Variants in FAM76B observed in about 807,000 individuals in gnomAD.
FAM76B encodes the protein family with sequence similarity 76 member B.
Under a neutral mutation model 51.8 loss-of-function variants are expected in FAM76B, and 16 were observed. That is an observed-to-expected ratio of 0.31 (90% CI 0.21 to 0.47). The LOEUF (loss-of-function observed/expected upper bound fraction) is 0.47, where lower values mean the gene tolerates loss of function less well. Among genes scored for constraint, FAM76B ranks in the 20% least tolerant of loss-of-function variants. The pLI, the probability that FAM76B is intolerant of heterozygous loss-of-function variation, is 1.00. For missense variants in FAM76B, 342 were observed against 392.6 expected, an observed-to-expected ratio of 0.87 and a Z score of 1.09; for synonymous variants, 166 against 129.5, an observed-to-expected ratio of 1.28 and a Z score of -1.91.
chr11:95,786,319 T>A (rs766819685), intron 3 of FAM76B, 45 bp from the exon 4 acceptor site: 2 of 1,606,534 alleles, frequency 1.2e-6, no homozygotes, highest in East Asian at 4.5e-5. Flanking sequence ...CATTAAATAT[T>A]TGCGGCATAG....
chr11:95,789,149 G>A (rs1860812937), intron 1 of FAM76B: 4 of 1,229,576 alleles, frequency 3.3e-6, no homozygotes, highest in Non-Finnish European at 4.4e-6. Flanking sequence ...CCCAGACGCT[G>A]ACGGGGCCCG....
intron 2 of FAM76B, among the ~76,000 whole-genome samples, chr11:95,788,110 C>A (rs1860703617): frequency 6.6e-6 from 1 of 152,208 alleles, no homozygotes; most frequent in Admixed American, 6.5e-5. Flanking sequence ...ATGTTACGTA[C>A]TACTCCTCTT....
rs1455966350 is a variant in FAM76B at position 95,770,554 on chromosome 11, CAT to C, written c.*1005_*1006del. ...CTCACACAATACTAATATGAAGCCA[CAT>C]GACATAAAAAATAAAATTACTCTTT... On this transcript the variant is annotated 3_prime_UTR_variant, in exon 10 of 10. Transcript: ENST00000358780. 6.6e-6 allele frequency: 1 copy of C among 151,548 alleles called. No homozygotes were observed. Among genetic ancestry groups the C allele is most frequent in the Non-Finnish European group, 1.5e-5 (1 of 67,404 alleles). The allele number at this position is 151,548 out of a possible 1,614,324, so 9.4% of individuals were successfully genotyped here.
At position 95,775,960 on chromosome 11, in the gene FAM76B, T is replaced by A; in HGVS notation, c.892A>T (p.Met298Leu). The A allele has an allele frequency of 6.3e-7, 1 of 1,595,422 alleles. No individual in the cohort carries two copies. The highest frequency in any genetic ancestry group is 8.5e-7 in the Non-Finnish European group (1 of 1,170,688). ...ACAGTTTCTTTGTGGGCTTTTTCCA[T>A]ACTGTTCATTTTTGTTCTCAAATTT... ...ESNLRTKMNS[M>L]EKAHKETVEQ... The change falls in exon 9 of 10, where the codon ATG becomes TTG. Residue 298 changes from methionine to leucine, a missense_variant. By Grantham distance (15) the Met-to-Leu change is conservative (BLOSUM62 2). Around this residue, in one of 3 missense-constraint regions of FAM76B, gnomAD observed 230 missense variants for 257.4 expected, o/e 0.89. Coordinates refer to ENST00000358780, the MANE Select transcript of FAM76B (RefSeq NM_144664.5).
chr11:95,773,014 T>C (rs559019961), intron 9 of FAM76B, among the ~76,000 whole-genome samples: 2 of 151,238 alleles, frequency 1.3e-5, no homozygotes, highest in African/African-American at 4.8e-5. Context: ...ATTTCAAATT[T>C]TGAGTCTGCA....
Position 95,789,656 on chromosome 11 carries a change from T to TC in FAM76B, c.-179dup. On this transcript the variant is annotated 5_prime_UTR_variant, in exon 1 of 10. Transcript: ENST00000358780. Reference sequence around the variant, plus strand: ...CCCGCGGACGACGCCACCGTCTCCCTCCGCCTCCACTTCCGCCCCAGCCCA... The same window carrying TC: ...CCCGCGGACGACGCCACCGTCTCCCTCCCGCCTCCACTTCCGCCCCAGCCCA... 1 of 527,318 alleles carries TC rather than the reference T, an allele frequency of 1.9e-6. No homozygotes were observed. Among genetic ancestry groups the TC allele is most frequent in the Non-Finnish European group, 3.3e-6 (1 of 305,098 alleles). The allele number at this position is 527,318 out of a possible 1,614,324, so 32.7% of individuals were successfully genotyped here.
At chr11:95,778,571 T>C (rs531336178) in intron 8 of FAM76B, among the ~76,000 whole-genome samples, 1 of 151,662 alleles carries the variant, frequency 6.6e-6, no homozygotes, top group South Asian at 2.1e-4. Context: ...TTAAATTACA[T>C]GCTTACTGAA....
rs1044356346 is a variant in FAM76B at position 95,781,972 on chromosome 11, G to A, written c.563+1093C>T. ...TACTGCATGTGTTCCAAAATGAGGT[G>A]GGCATCAGTTGTTTGTAAATTCTGT... On this transcript the variant is annotated intron_variant, in intron 5 of 9. Coordinates refer to ENST00000358780, the MANE Select transcript of FAM76B (RefSeq NM_144664.5). Among the ~76,000 whole-genome samples, 11 of 152,054 alleles carry A rather than the reference G, an allele frequency of 7.2e-5. No homozygotes were observed. In the South Asian group the frequency reaches 1.4e-3, roughly 20 times the overall value.
At position 95,786,011 on chromosome 11, in the gene FAM76B, T is replaced by C. The variant is rs1860558556; in HGVS notation, c.363+108A>G. 8.1e-6 allele frequency: 11 copies of C among 1,355,946 alleles called. 1 individual carries two copies. The highest frequency in any genetic ancestry group is 4.7e-5 in the Admixed American group (2 of 42,488). The allele number at this position is 1,355,946 out of a possible 1,614,324, so 84.0% of individuals were successfully genotyped here. A position where few individuals can be genotyped will look rare whatever the true frequency, so the allele number is the denominator to read the frequency against. On this transcript the variant is annotated intron_variant, in intron 4 of 9. Transcript: ENST00000358780. The stretch of plus-strand genomic sequence containing the variant: ...ACTTTCATCTAACTACTTGCTTTCA[T>C]GGACCTAAAGAATAGATCCAGTCTC...
At position 95,771,727 on chromosome 11, in the gene FAM76B, A is replaced by C. The variant is rs1012878554; in HGVS notation, c.931-77T>G. The C allele has an allele frequency of 1.2e-5, 13 of 1,114,458 alleles. No individual in the cohort carries two copies. In the Admixed American group the frequency reaches 2.4e-4, roughly 21 times the overall value. The allele number at this position is 1,114,458 out of a possible 1,614,324, so 69.0% of individuals were successfully genotyped here. On this transcript the variant is annotated intron_variant, in intron 9 of 9. Transcript: ENST00000358780. ...TCATGCTGAAGAATACTACTTATTT[A>C]ATACTGTTTTCATTTATATAAATGT...
chr11:95,788,165 A>G (rs893715402), intron 2 of FAM76B, among the ~76,000 whole-genome samples: 3 of 152,248 alleles, frequency 2.0e-5, no homozygotes, highest in Admixed American at 1.3e-4. Context: ...GGCAGTTGGT[A>G]ACACTACAGA....
chr11:95,777,124 T>C (rs969091522), intron 8 of FAM76B, among the ~76,000 whole-genome samples: 3 of 151,352 alleles, frequency 2.0e-5, no homozygotes, highest in African/African-American at 7.3e-5. Flanking sequence ...TTATGTCTTA[T>C]TTATTCATCT....
At chr11:95,788,109 A>C (rs554517756) in intron 2 of FAM76B, among the ~76,000 whole-genome samples, 1 of 152,318 alleles carries the variant, frequency 6.6e-6, no homozygotes, top group Admixed American at 6.5e-5. Context: ...AATGTTACGT[A>C]CTACTCCTCT....
At chr11:95,787,933 C>T (rs912518470) in intron 2 of FAM76B, among the ~76,000 whole-genome samples, 2 of 152,186 alleles carry the variant, frequency 1.3e-5, no homozygotes, top group African/African-American at 2.4e-5. Flanking sequence ...GCTCCAAAAT[C>T]TTCACACTTG....
chr11:95,783,126 G>A lies in FAM76B; in HGVS notation c.502C>T (p.His168Tyr), dbSNP rs201724858. 3.1e-6 allele frequency: 5 copies of A among 1,612,750 alleles called. No individual in the cohort carries two copies. The highest frequency in any genetic ancestry group is 4.2e-6 in the Non-Finnish European group (5 of 1,178,910). Residue 168 changes from histidine to tyrosine, a missense_variant, in exon 5 of 10, where the codon CAT becomes TAT. Physicochemically the swap from His to Tyr is moderately conservative, Grantham distance 83. Coordinates refer to ENST00000358780, the MANE Select transcript of FAM76B (RefSeq NM_144664.5). ...SSSLTEKDQH[H>Y]PKHHHHHHHH... The stretch of plus-strand genomic sequence containing the variant: ...TGATGGTGGTGATGATGTTTTGGAT[G>A]ATGCTGGTCTTTCTCAGTAAGAGAT...
In FAM76B at chr11:95,783,112, A is replaced by G. The variant is rs1407826572; in HGVS notation, c.516T>C (p.His172=). Residue 172 remains histidine, a synonymous_variant, in exon 5 of 10, where the codon CAT becomes CAC. Transcript: ENST00000358780. ...TEKDQHHPKH[H]HHHHHHHHRH... Reference sequence around the variant, plus strand: ...GATGGTGATGGTGATGATGGTGGTGATGATGTTTTGGATGATGCTGGTCTT... The same window carrying G: ...GATGGTGATGGTGATGATGGTGGTGGTGATGTTTTGGATGATGCTGGTCTT... The G allele has an allele frequency of 1.2e-5, 19 of 1,613,180 alleles. No individual in the cohort carries two copies. The South Asian group carries it at 1.2e-4, about 10-fold the overall frequency.
chr11:95,774,758 T>C (rs1002450734), intron 9 of FAM76B, among the ~76,000 whole-genome samples: 1 of 151,378 alleles, frequency 6.6e-6, no homozygotes, highest in African/African-American at 2.4e-5. Context: ...AGAGGGCTGA[T>C]GGGCATTTCC....
intron 9 of FAM76B, among the ~76,000 whole-genome samples, chr11:95,772,175 C>T (rs1452979570): frequency 6.6e-6 from 1 of 150,992 alleles, no homozygotes; most frequent in African/African-American, 2.4e-5. Flanking sequence ...TTGCCAAATG[C>T]ACCCAATGAT....
At chr11:95,789,221 A>G in intron 1 of FAM76B, 171 bp downstream of exon 1, 1 of 961,546 alleles carries the variant, frequency 1.0e-6, no homozygotes. Flanking sequence ...GTCCGTTCCC[A>G]GCTAATGTTC....
Sources: gnomAD v4.1 joint callset for allele counts (sites outside exome capture counted in the v4.1 genomes callset) on GRCh38, gnomAD v4.1.1 for gene constraint, gnomAD v4.1.1 regional missense constraint, MANE v1.5 for transcripts, NCBI Gene and HGNC (gene_info 2026-07-23, HGNC 2026-07-21) for gene names.